The following RIMS2 variants were observed in gnomAD, a reference collection of about 807,000 sequenced individuals.
RIMS2 encodes regulating synaptic membrane exocytosis 2, also known as regulating synaptic membrane exocytosis protein 2.
Under a neutral mutation model 174.4 loss-of-function variants are expected in RIMS2, and 59 were observed. That is an observed-to-expected ratio of 0.34 (90% CI 0.27 to 0.42). The LOEUF (loss-of-function observed/expected upper bound fraction) is 0.42. Ranked by LOEUF, RIMS2 falls within the 10% of genes least tolerant of loss-of-function variation. The probability of loss-of-function intolerance (pLI) is 1.00; values close to 1 mark genes in which losing one functional copy is unlikely to be tolerated. For missense variants in RIMS2, 1,620 were observed against 1,666.3 expected (o/e 0.97, Z 0.48); for synonymous variants, 606 against 572.5 (o/e 1.06, Z -0.84).
At chr8:103,844,699 C>T (rs150811354) in intron 3 of RIMS2, among the ~76,000 whole-genome samples, 59 of 152,116 alleles carry the variant, frequency 3.9e-4, no homozygotes, top group African/African-American at 1.3e-3. Flanking sequence ...AATACTTTCA[C>T]TTTTTATTTT....
chr8:103,818,450 C>T (rs1483840812), intron 3 of RIMS2, among the ~76,000 whole-genome samples: 1 of 152,092 alleles, frequency 6.6e-6, no homozygotes, highest in Non-Finnish European at 1.5e-5. Flanking sequence ...CAGAATTATT[C>T]ACTGAGAATA....
chr8:103,754,992 G>T (rs910185279), intron 2 of RIMS2, among the ~76,000 whole-genome samples: 1 of 152,070 alleles, frequency 6.6e-6, no homozygotes, highest in Non-Finnish European at 1.5e-5. Context: ...TGGTTATTTT[G>T]CCCGTTAGTT....
chr8:103,831,898 C>G (rs2098828166), intron 3 of RIMS2, among the ~76,000 whole-genome samples: 1 of 152,184 alleles, frequency 6.6e-6, no homozygotes, highest in Non-Finnish European at 1.5e-5. Context: ...GTACTAGTTT[C>G]AGCCTCAGCT....
At chr8:103,954,477 C>A (rs1426830194) in intron 14 of RIMS2, among the ~76,000 whole-genome samples, 1 of 152,196 alleles carries the variant, frequency 6.6e-6, no homozygotes, top group Non-Finnish European at 1.5e-5. Context: ...TACATGGAAA[C>A]TGAACAACCT....
chr8:103,827,152 T>C (rs765910216), intron 3 of RIMS2, among the ~76,000 whole-genome samples: 1 of 152,156 alleles, frequency 6.6e-6, no homozygotes, highest in African/African-American at 2.4e-5. Context: ...ATCCAAACAG[T>C]GTTTTATAGT....
At chr8:103,821,590 T>A (rs954452919) in intron 3 of RIMS2, among the ~76,000 whole-genome samples, 1 of 151,908 alleles carries the variant, frequency 6.6e-6, no homozygotes, top group East Asian at 1.9e-4. Flanking sequence ...TTTAGAAGTA[T>A]GATGAGTGAA....
At chr8:103,815,229 A>G (rs2098711578) in intron 3 of RIMS2, among the ~76,000 whole-genome samples, 1 of 152,184 alleles carries the variant, frequency 6.6e-6, no homozygotes, top group African/African-American at 2.4e-5. Context: ...GTACCAATGT[A>G]CACTCCTACC....
chr8:104,223,671 G>T (rs749875320), intron 19 of RIMS2: 3 of 1,590,980 alleles, frequency 1.9e-6, no homozygotes, highest in Non-Finnish European at 2.6e-6. Context: ...CAGGGCTTGG[G>T]GGGTGCCAGC....
chr8:104,091,803 A>G (rs975500496), intron 19 of RIMS2, among the ~76,000 whole-genome samples: 1 of 151,596 alleles, frequency 6.6e-6, no homozygotes, highest in Non-Finnish European at 1.5e-5. Context: ...TATGATCTAA[A>G]TTGTCTTTGA....
intron 15 of RIMS2, among the ~76,000 whole-genome samples, chr8:103,962,870 C>G (rs1490402873): frequency 1.3e-5 from 2 of 152,070 alleles, no homozygotes; most frequent in Non-Finnish European, 2.9e-5. Context: ...TTTTTCTAAA[C>G]CCAGCTAAAT....
chr8:103,561,812 C>G (rs2091638766), intron 1 of RIMS2, among the ~76,000 whole-genome samples: 1 of 152,104 alleles, frequency 6.6e-6, no homozygotes, highest in African/African-American at 2.4e-5. Flanking sequence ...ATACCTGAGA[C>G]TGGGCAATTT....
At chr8:103,620,706 CTGTTTA>C (rs1188755582) in intron 1 of RIMS2, among the ~76,000 whole-genome samples, 1 of 151,956 alleles carries the variant, frequency 6.6e-6, no homozygotes, top group Non-Finnish European at 1.5e-5. Context: ...CATTGAGTTT[CTGTTTA>C]TAATTAATAA....
At chr8:104,249,908 T>C (rs1012107822) in intron 22 of RIMS2, among the ~76,000 whole-genome samples, 1 of 152,210 alleles carries the variant, frequency 6.6e-6, no homozygotes, top group Non-Finnish European at 1.5e-5. Context: ...TTAGCTAGTC[T>C]TTTGTGTTAT....
chr8:103,884,514 A>G (rs796301604), intron 3 of RIMS2, among the ~76,000 whole-genome samples: 4 of 151,982 alleles, frequency 2.6e-5, no homozygotes, highest in Admixed American at 6.6e-5. Context: ...TTAGAAGGGT[A>G]AGTTGAGAAG....
intron 19 of RIMS2, among the ~76,000 whole-genome samples, chr8:104,195,094 G>A (rs954933110): frequency 2.0e-5 from 3 of 152,214 alleles, no homozygotes; most frequent in Admixed American, 2.0e-4. Context: ...TTCATGAAGG[G>A]TGAATTGGAA....
intron 11 of RIMS2, among the ~76,000 whole-genome samples, chr8:103,929,493 T>C (rs1000279151): frequency 3.3e-5 from 5 of 151,876 alleles, no homozygotes; most frequent in African/African-American, 1.2e-4. Flanking sequence ...GTAACATTTA[T>C]TGGAAATAAA....
At chr8:104,070,152 T>C (rs2097173013) in intron 19 of RIMS2, among the ~76,000 whole-genome samples, 1 of 152,204 alleles carries the variant, frequency 6.6e-6, no homozygotes, top group South Asian at 2.1e-4. Context: ...GGTATGTACA[T>C]ATGTACCAGT....
chr8:104,021,130 T>C (rs1282693749), intron 19 of RIMS2, among the ~76,000 whole-genome samples: 1 of 152,028 alleles, frequency 6.6e-6, no homozygotes, highest in Non-Finnish European at 1.5e-5. Flanking sequence ...ATTGAAATGG[T>C]TTTTAGTCTT....
chr8:103,622,258 A>G lies in RIMS2; in HGVS notation c.177-74828A>G, dbSNP rs368256161. On this transcript the variant is annotated intron_variant, in intron 1 of 23. Coordinates refer to ENST00000504942, the Ensembl canonical transcript of RIMS2. ...TCTATGTCTGATTAAGTGAATACAA[A>G]CAATGACACATACATTATATTCTGA... Among the ~76,000 whole-genome samples, 5 of 152,292 alleles carry G rather than the reference A, an allele frequency of 3.3e-5. No individual in the cohort carries two copies. In the East Asian group the frequency reaches 5.8e-4, roughly 18 times the overall value.
Sources: allele counts gnomAD v4.1 joint callset (sites outside exome capture counted in the v4.1 genomes callset), GRCh38; gene constraint gnomAD v4.1.1; transcripts MANE v1.5; gene names NCBI Gene and HGNC (gene_info 2026-07-23, HGNC 2026-07-21).